The following EMP2 variants were observed in gnomAD, a reference collection of about 807,000 sequenced individuals.
EMP2 encodes the protein epithelial membrane protein 2.
In EMP2, 19 loss-of-function variants were observed where a neutral mutation model predicts 13.7. That is an observed-to-expected ratio of 1.38 (90% confidence interval 0.97 to 2.03). The LOEUF is 2.03. Ranked by LOEUF, EMP2 falls within the 30% of genes most tolerant of loss-of-function variation. The pLI, the probability that EMP2 is intolerant of heterozygous loss-of-function variation, is 0.00. For missense variants in EMP2, 253 were observed against 220.7 expected, an observed-to-expected ratio of 1.15 and a Z score of -0.93; for synonymous variants, 97 against 84.7, an observed-to-expected ratio of 1.15 and a Z score of -0.80.
intron 3 of EMP2, among the ~76,000 whole-genome samples, chr16:10,540,532 A>AAATAAATAAATAAATAAAT (rs978921998): frequency 1.3e-5 from 2 of 151,744 alleles, no homozygotes; most frequent in African/African-American, 4.8e-5. Context: ...ATAAACAAAT[A>AAATAAATAAATAAATAAAT]AATAAATAGA....
In EMP2 at chr16:10,579,708, G is replaced by GCACGCACACACACACA. The variant is rs1555461492; in HGVS notation, c.-61+840_-61+841insTGTGTGTGTGTGCGTG. 5.7e-3 allele frequency among the ~76,000 whole-genome samples: 839 copies of GCACGCACACACACACA among 146,774 alleles called. 4 individuals carry two copies. Among genetic ancestry groups the GCACGCACACACACACA allele is most frequent in the Admixed American group, 9.4e-3 (140 of 14,908 alleles). ...CACAGCTGAATTATAAGATCAAGGT[G>GCACGCACACACACACA]CACACACACACACACACACACACAC... is the stretch of plus-strand genomic sequence containing the variant. On this transcript the variant is annotated intron_variant, in intron 1 of 4. Transcript: ENST00000359543.
Position 10,535,198 on chromosome 16 carries a change from C to A in EMP2, c.317-2106G>T, listed in dbSNP as rs536719233. On this transcript the variant is annotated intron_variant, in intron 4 of 4. Transcript: ENST00000359543. ...CCTGCCTGATACAGCATTAAACACTCTGCAGTTTGAAGCAGAACAGGGAGG... is the reference window on the plus strand; with the variant it reads ...CCTGCCTGATACAGCATTAAACACTATGCAGTTTGAAGCAGAACAGGGAGG... 4.6e-5 allele frequency among the ~76,000 whole-genome samples: 7 copies of A among 152,274 alleles called. No homozygotes were observed. In the South Asian group the frequency reaches 1.2e-3, roughly 27 times the overall value.
In EMP2 at chr16:10,580,105, G is replaced by A. The variant is rs1221559241; in HGVS notation, c.-61+444C>T. On this transcript the variant is annotated intron_variant, in intron 1 of 4. Transcript: ENST00000359543. The surrounding 1 kb of genome is among the most constrained non-coding windows in gnomAD (Gnocchi z 4.3). ...GGGGCGCGACGGAGCAGCGGCGGGG[G>A]CCTAGAGGGGTACGCAGCCCAGGAG... Among the ~76,000 whole-genome samples the A allele has an allele frequency of 1.3e-5, 2 of 152,142 alleles. No individual in the cohort carries two copies. Among genetic ancestry groups the A allele is most frequent in the East Asian group, 3.9e-4 (2 of 5,168 alleles).
At chr16:10,561,517 A>G (rs1261965635) in intron 1 of EMP2, among the ~76,000 whole-genome samples, 3 of 152,170 alleles carry the variant, frequency 2.0e-5, no homozygotes, top group African/African-American at 7.2e-5. Flanking sequence ...CCAAGAGCAC[A>G]TGATGGGACC....
intron 4 of EMP2, among the ~76,000 whole-genome samples, chr16:10,534,697 C>T (rs1374713060): frequency 6.6e-6 from 1 of 152,180 alleles, no homozygotes. Context: ...ACCCGGAAGG[C>T]GGAGGTTGCA....
At chr16:10,553,263 A>G (rs545287692) in intron 1 of EMP2, among the ~76,000 whole-genome samples, 10 of 152,298 alleles carry the variant, frequency 6.6e-5, no homozygotes, top group Admixed American at 1.3e-4. Flanking sequence ...AGAGGCAACC[A>G]CGCTTCTCAG....
Position 10,547,375 on chromosome 16 carries a change from C to A in EMP2, c.78+165G>T. 5.5e-6 allele frequency: 4 copies of A among 722,008 alleles called. No homozygotes were observed. In the South Asian group the frequency reaches 6.2e-5, roughly 11 times the overall value. 44.7% of individuals were successfully genotyped at this position (722,008 alleles called of 1,614,324 possible). A position where few individuals can be genotyped will look rare whatever the true frequency, so the allele number is the denominator to read the frequency against. On this transcript the variant is annotated intron_variant, in intron 2 of 4. Transcript: ENST00000359543. ...GCTCCTCCTTTGCCTTCTGCAGAGG[C>A]CTCCCAGACATGTGGAATTGTGAGT...
chr16:10,547,749 C>T, intron 1 of EMP2, 72 bp from the exon 2 acceptor site: 9 of 887,234 alleles, frequency 1.0e-5, no homozygotes, highest in Non-Finnish European at 1.5e-5. Context: ...AAATAAACAC[C>T]TTTTAGCTGG....
chr16:10,566,477 C>T (rs2050907385), intron 1 of EMP2, among the ~76,000 whole-genome samples: 1 of 152,172 alleles, frequency 6.6e-6, no homozygotes, highest in Admixed American at 6.5e-5. Flanking sequence ...GCTAAGACTC[C>T]CCCCTTGATG....
At chr16:10,550,042 C>T (rs562007625) in intron 1 of EMP2, among the ~76,000 whole-genome samples, 33 of 151,882 alleles carry the variant, frequency 2.2e-4, no homozygotes, top group African/African-American at 7.7e-4. Flanking sequence ...CGTGTCACCA[C>T]GCCCAGCTAA....
chr16:10,567,494 G>C lies in EMP2; in HGVS notation c.-61+13055C>G, dbSNP rs527302792. 2.6e-5 allele frequency among the ~76,000 whole-genome samples: 4 copies of C among 152,324 alleles called. 1 individual carries two copies. The East Asian group carries it at 7.7e-4, about 29-fold the overall frequency. On this transcript the variant is annotated intron_variant, in intron 1 of 4. Transcript: ENST00000359543. ...CACAATGAGGATGCTTGGGGCAGGG[G>C]GAGCAGGGGCTTAGACCAGGCTCTG...
intron 1 of EMP2, among the ~76,000 whole-genome samples, chr16:10,561,559 G>A (rs1364436200): frequency 6.6e-6 from 1 of 152,210 alleles, no homozygotes; most frequent in East Asian, 1.9e-4. Context: ...CTAGAAAAAT[G>A]GGACAAGGAG....
intron 1 of EMP2, among the ~76,000 whole-genome samples, chr16:10,553,309 G>A (rs1380652144): frequency 6.6e-6 from 1 of 152,224 alleles, no homozygotes; most frequent in East Asian, 1.9e-4. Flanking sequence ...TTGATTGCGA[G>A]AACACTTATT....
chr16:10,547,703 C>T, intron 1 of EMP2, 26 bp from the exon 2 acceptor site: 1 of 1,337,704 alleles, frequency 7.5e-7, no homozygotes, highest in Non-Finnish European at 1.0e-6. Context: ...AAGAGAAATT[C>T]AAAATCTGTC....
At chr16:10,541,310 G>A (rs1402743443) in intron 3 of EMP2, among the ~76,000 whole-genome samples, 1 of 152,144 alleles carries the variant, frequency 6.6e-6, no homozygotes, top group Non-Finnish European at 1.5e-5. Context: ...AAAAAAAGTT[G>A]GCAAACTTTT....
chr16:10,540,268 G>C (rs2050684046), intron 3 of EMP2, among the ~76,000 whole-genome samples: 2 of 152,208 alleles, frequency 1.3e-5, no homozygotes, highest in South Asian at 4.1e-4. Flanking sequence ...CACTATGGGA[G>C]GCAGAGGCAG....
intron 1 of EMP2, among the ~76,000 whole-genome samples, chr16:10,575,942 T>A (rs2050981545): frequency 2.6e-5 from 4 of 151,986 alleles, no homozygotes; most frequent in Admixed American, 6.6e-5. Flanking sequence ...TCAGGATGAG[T>A]CATGTTTCCA....
intron 1 of EMP2, among the ~76,000 whole-genome samples, chr16:10,556,225 T>G (rs1358607323): frequency 6.6e-6 from 1 of 152,192 alleles, no homozygotes; most frequent in Non-Finnish European, 1.5e-5. Context: ...CCTCCATCTT[T>G]CCTTCCTTCT....
intron 4 of EMP2, among the ~76,000 whole-genome samples, chr16:10,534,331 G>T (rs1341520693): frequency 6.6e-6 from 1 of 152,192 alleles, no homozygotes; most frequent in African/African-American, 2.4e-5. Context: ...AGTGCTTGAC[G>T]CAGACGCTGC....
Sources: allele counts gnomAD v4.1 joint callset (sites outside exome capture counted in the v4.1 genomes callset), GRCh38; gene constraint gnomAD v4.1.1; non-coding constraint Gnocchi (gnomAD v3.1); transcripts MANE v1.5; gene names NCBI Gene and HGNC (gene_info 2026-07-23, HGNC 2026-07-21).